DOK6: variants seen among roughly 807,000 people sequenced by gnomAD.
DOK6 encodes the protein downstream of tyrosine kinase 6.
In DOK6, 22 loss-of-function variants were observed where a neutral mutation model predicts 44.0. The ratio of observed to expected loss-of-function variants is 0.50; its 90% CI spans 0.36 to 0.71. The LOEUF (loss-of-function observed/expected upper bound fraction) is 0.71, where lower values mean the gene tolerates loss of function less well. Ranked by LOEUF, DOK6 falls within the 30% of genes least tolerant of loss-of-function variation. The probability of loss-of-function intolerance (pLI) is 0.00; values close to 1 mark genes in which losing one functional copy is unlikely to be tolerated. For synonymous variants in DOK6, 166 were observed against 145.5 expected, an observed-to-expected ratio of 1.14 and a Z score of -1.01; for missense variants, 340 against 416.4, an observed-to-expected ratio of 0.82 and a Z score of 1.60.
chr18:69,517,731 T>A (rs1228008450), intron 1 of DOK6, among the ~76,000 whole-genome samples: 3 of 107,378 alleles, frequency 2.8e-5, no homozygotes, highest in African/African-American at 9.4e-5. Flanking sequence ...ACAGCTTGGT[T>A]TTTTTTTTTT....
intron 1 of DOK6, among the ~76,000 whole-genome samples, chr18:69,543,531 A>G (rs1329225800): frequency 6.6e-6 from 1 of 151,582 alleles, no homozygotes; most frequent in African/African-American, 2.4e-5. Flanking sequence ...TTCTTGAAGA[A>G]AGCCAACCTG....
chr18:69,567,879 T>C (rs1983022961), intron 2 of DOK6, among the ~76,000 whole-genome samples: 2 of 152,222 alleles, frequency 1.3e-5, no homozygotes. Context: ...ACTTACATTG[T>C]CCACCTTTAT....
At chr18:69,483,412 T>TA (rs1286331589) in intron 1 of DOK6, among the ~76,000 whole-genome samples, 2 of 152,040 alleles carry the variant, frequency 1.3e-5, no homozygotes, top group African/African-American at 4.8e-5. Flanking sequence ...TCTTTAATGA[T>TA]ACAGTGATGT....
intron 3 of DOK6, among the ~76,000 whole-genome samples, chr18:69,631,447 A>G (rs1254805986): frequency 6.6e-6 from 1 of 152,232 alleles, no homozygotes; most frequent in African/African-American, 2.4e-5. Context: ...ATGGTAATTC[A>G]TGGCACCTAA....
intron 1 of DOK6, among the ~76,000 whole-genome samples, chr18:69,505,550 T>G (rs901651353): frequency 1.5e-5 from 2 of 136,648 alleles, no homozygotes; most frequent in African/African-American, 2.8e-5. Context: ...CCGGCTGGAG[T>G]GCAATGGTGT....
intron 7 of DOK6, among the ~76,000 whole-genome samples, chr18:69,829,689 G>C (rs926417800): frequency 6.6e-6 from 1 of 151,402 alleles, no homozygotes; most frequent in East Asian, 1.9e-4. Flanking sequence ...TTACTGCAAT[G>C]AAGAAAGACT....
At chr18:69,530,014 G>A (rs997896317) in intron 1 of DOK6, among the ~76,000 whole-genome samples, 1 of 152,022 alleles carries the variant, frequency 6.6e-6, no homozygotes, top group Non-Finnish European at 1.5e-5. Flanking sequence ...TAGACTTATG[G>A]TTCCTCATGA....
intron 1 of DOK6, among the ~76,000 whole-genome samples, chr18:69,520,169 A>C (rs1428330508): frequency 6.6e-6 from 1 of 151,850 alleles, no homozygotes; most frequent in Non-Finnish European, 1.5e-5. Context: ...CTTAATAGTT[A>C]CTTGCAATTT....
At chr18:69,838,139 A>AT (rs923640386) in intron 7 of DOK6, among the ~76,000 whole-genome samples, 4 of 151,522 alleles carry the variant, frequency 2.6e-5, no homozygotes, top group South Asian at 2.1e-4. Flanking sequence ...CTTTTTTTAT[A>AT]TTTTTTTATT....
intron 1 of DOK6, among the ~76,000 whole-genome samples, chr18:69,527,280 C>G (rs1190946431): frequency 6.6e-6 from 1 of 152,158 alleles, no homozygotes; most frequent in African/African-American, 2.4e-5. Context: ...GAAGAAACAC[C>G]TGAGACTGGG....
chr18:69,745,258 A>G (rs1348787462), intron 6 of DOK6, among the ~76,000 whole-genome samples: 7 of 152,148 alleles, frequency 4.6e-5, no homozygotes, highest in Non-Finnish European at 4.4e-5. Context: ...AAAATATTGC[A>G]ATTTCTGTGT....
At chr18:69,617,706 G>GA (rs1436653881) in intron 3 of DOK6, among the ~76,000 whole-genome samples, 121 of 33,424 alleles carry the variant, frequency 3.6e-3, no homozygotes, top group Admixed American at 7.2e-3. Context: ...GACGGAAAGA[G>GA]AAAAGAAAGA....
At chr18:69,603,228 G>A (rs1983913724) in intron 3 of DOK6, among the ~76,000 whole-genome samples, 1 of 152,156 alleles carries the variant, frequency 6.6e-6, no homozygotes, top group Non-Finnish European at 1.5e-5. Flanking sequence ...AAATGCTGCT[G>A]TGTGAGCTTA....
chr18:69,723,350 T>G (rs1350742522), intron 5 of DOK6, among the ~76,000 whole-genome samples: 1 of 152,220 alleles, frequency 6.6e-6, no homozygotes, highest in Non-Finnish European at 1.5e-5. Context: ...TTTTGTTCCC[T>G]TCTCCATTGT....
chr18:69,522,836 C>T (rs542717489), intron 1 of DOK6, among the ~76,000 whole-genome samples: 28 of 152,146 alleles, frequency 1.8e-4, no homozygotes, highest in Middle Eastern at 3.4e-3. Context: ...AACAAATTAT[C>T]GTTAAGTATG....
chr18:69,531,260 A>G, intron 1 of DOK6, among the ~76,000 whole-genome samples: 1 of 141,598 alleles, frequency 7.1e-6, no homozygotes, highest in South Asian at 2.1e-4. Context: ...ATATACTTAC[A>G]TATATATATA....
At chr18:69,458,283 T>C (rs528313413) in intron 1 of DOK6, among the ~76,000 whole-genome samples, 1 of 152,256 alleles carries the variant, frequency 6.6e-6, no homozygotes, top group African/African-American at 2.4e-5. Context: ...ATAAAAAGAA[T>C]TAAAAGCAAA....
intron 1 of DOK6, among the ~76,000 whole-genome samples, chr18:69,552,980 G>A (rs948830506): frequency 5.9e-5 from 9 of 152,156 alleles, no homozygotes; most frequent in Non-Finnish European, 1.5e-5. Flanking sequence ...GGATGGTAGT[G>A]GAATTTTAAA....
At position 69,478,263 on chromosome 18, in the gene DOK6, G is replaced by C. The variant is rs1004096404; in HGVS notation, c.66+76953G>C. ...AAATCAGATTAGCAGTCTTATTTTAGCATAGGGCATTTGCCTGTTAAATTA... is the reference window on the plus strand; with the variant it reads ...AAATCAGATTAGCAGTCTTATTTTACCATAGGGCATTTGCCTGTTAAATTA... On this transcript the variant is annotated intron_variant, in intron 1 of 7. Transcript: ENST00000382713. Among the ~76,000 whole-genome samples the C allele has an allele frequency of 6.6e-5, 10 of 152,110 alleles. No homozygotes were observed. In the East Asian group the frequency reaches 1.9e-3, roughly 29 times the overall value.
Sources: allele counts gnomAD v4.1 joint callset (sites outside exome capture counted in the v4.1 genomes callset), GRCh38; gene constraint gnomAD v4.1.1; transcripts MANE v1.5; gene names NCBI Gene and HGNC (gene_info 2026-07-23, HGNC 2026-07-21).